The following IFI27L1 variants were observed in gnomAD, a reference collection of about 807,000 sequenced individuals.
The protein encoded by IFI27L1 is interferon alpha inducible protein 27 like 1, also known as interferon alpha-inducible protein 27-like protein 1.
Under a neutral mutation model 9.2 loss-of-function variants are expected in IFI27L1, and 3 were observed. The observed-to-expected ratio is 0.32, with a 90% CI of 0.15 to 0.84. IFI27L1 has a LOEUF of 0.84. IFI27L1 is among the 40% of genes least tolerant of loss of function. The pLI is 0.56. For missense variants in IFI27L1, 133 were observed against 134.2 expected (o/e 0.99, Z 0.05); for synonymous variants, 53 against 50.0 (o/e 1.06, Z -0.26).
intron 1 of IFI27L1, among the ~76,000 whole-genome samples, chr14:94,086,349 C>G (rs181295804): frequency 1.1e-4 from 17 of 152,270 alleles, no homozygotes; most frequent in African/African-American, 4.1e-4. Flanking sequence ...AGTTAAACCT[C>G]TTTTTTAGAT....
intron 1 of IFI27L1, among the ~76,000 whole-genome samples, chr14:94,084,535 C>A (rs1394048869): frequency 6.6e-6 from 1 of 152,136 alleles, no homozygotes; most frequent in South Asian, 2.1e-4. Context: ...GGTGCACAAA[C>A]CCAGTCAGAT....
chr14:94,087,618 G>T (rs933593155), intron 1 of IFI27L1, among the ~76,000 whole-genome samples: 1 of 152,062 alleles, frequency 6.6e-6, no homozygotes, highest in African/African-American at 2.4e-5. Context: ...AGTAGAGATG[G>T]TGTTTCACCG....
intron 1 of IFI27L1, among the ~76,000 whole-genome samples, chr14:94,088,521 A>G (rs1886360936): frequency 7.2e-6 from 1 of 139,018 alleles, no homozygotes; most frequent in South Asian, 2.3e-4. Context: ...TTTTTTGGAG[A>G]CAGAGTCTTG....
At chr14:94,097,772 A>G (rs1886727416) in intron 2 of IFI27L1, 1 of 691,014 alleles carries the variant, frequency 1.4e-6, no homozygotes, top group Admixed American at 2.0e-5. Context: ...CTACTGAGAG[A>G]ACGGGGCTGC....
intron 2 of IFI27L1, among the ~76,000 whole-genome samples, chr14:94,098,563 C>G (rs957202308): frequency 6.6e-6 from 1 of 152,088 alleles, no homozygotes; most frequent in Non-Finnish European, 1.5e-5. Flanking sequence ...TCGGGTGATG[C>G]AATTCAACCC....
At chr14:94,083,313 A>G (rs1009831764) in intron 1 of IFI27L1, among the ~76,000 whole-genome samples, 1 of 152,272 alleles carries the variant, frequency 6.6e-6, no homozygotes, top group African/African-American at 2.4e-5. Context: ...TTCTTGAGAT[A>G]CAATCTACTC....
chr14:94,100,530 G>A (rs1886853848), intron 2 of IFI27L1: 14 of 985,420 alleles, frequency 1.4e-5, no homozygotes, highest in Non-Finnish European at 1.7e-5. Flanking sequence ...CTGATGCGGG[G>A]ACCTGGGGAG....
At chr14:94,089,798 T>C (rs952688264) in intron 1 of IFI27L1, among the ~76,000 whole-genome samples, 1 of 152,174 alleles carries the variant, frequency 6.6e-6, no homozygotes, top group African/African-American at 2.4e-5. Flanking sequence ...AGATCCATCT[T>C]CTGTAATTTC....
chr14:94,096,998 G>T (rs770043415), intron 2 of IFI27L1, 33 bp downstream of exon 2: 2 of 1,586,916 alleles, frequency 1.3e-6, no homozygotes, highest in South Asian at 2.3e-5. Context: ...GGGGCTGCTG[G>T]TCCTTCCGAG....
Position 94,090,341 on chromosome 14 carries a change from T to C in IFI27L1, c.-51-6546T>C, listed in dbSNP as rs184960863. ...CTGGTGTACCACAGTTTTTGAAACC[T>C]AATTTTTCTCTCTCCAGTCCTCATT... On this transcript the variant is annotated intron_variant, in intron 1 of 4. Coordinates refer to ENST00000555523, the MANE Select transcript of IFI27L1 (RefSeq NM_206949.3). Among the ~76,000 whole-genome samples, 485 of 152,342 alleles carry C rather than the reference T, an allele frequency of 3.2e-3. 6 individuals are homozygous for C. The highest frequency in any genetic ancestry group is 0.029 in the South Asian group (139 of 4,826).
chr14:94,097,905 G>A (rs1417525673), intron 2 of IFI27L1, among the ~76,000 whole-genome samples: 1 of 152,160 alleles, frequency 6.6e-6, no homozygotes, highest in Non-Finnish European at 1.5e-5. Flanking sequence ...AGTAGGTCTA[G>A]GCTGAGCACA....
intron 3 of IFI27L1, 76 bp from the exon 4 acceptor site, chr14:94,101,738 T>C: frequency 6.7e-7 from 1 of 1,483,106 alleles, no homozygotes; most frequent in African/African-American, 1.4e-5. Context: ...CTCCTCCTCA[T>C]CGCCCCAGGA....
chr14:94,092,536 A>C (rs867484808), intron 1 of IFI27L1, among the ~76,000 whole-genome samples: 18 of 152,286 alleles, frequency 1.2e-4, no homozygotes, highest in African/African-American at 4.1e-4. Flanking sequence ...CAAAACAAAA[A>C]AAACTTTACA....
intron 1 of IFI27L1, among the ~76,000 whole-genome samples, chr14:94,093,170 T>TC (rs1436098541): frequency 6.8e-6 from 1 of 147,410 alleles, no homozygotes; most frequent in Non-Finnish European, 1.5e-5. Context: ...TTCTTTTCTT[T>TC]TTTTTTTTTT....
chr14:94,093,797 C>T (rs17129464), intron 1 of IFI27L1, among the ~76,000 whole-genome samples: 46,268 of 151,962 alleles, frequency 0.3, 7,524 homozygotes, highest in East Asian at 0.52. Context: ...CCTACTGGAA[C>T]AAATTTCATG....
At position 94,101,810 on chromosome 14, in the gene IFI27L1, G is replaced by A. The variant is rs201917237; in HGVS notation, c.62-4G>A. ...GGCCAACCCCAAATCTCCACTTCCC[G>A]CAGTTGTGGCTGTGGGGACTGTGCT... On this transcript the variant is annotated splice_region_variant and splice_polypyrimidine_tract_variant and intron_variant, in intron 3 of 4. Coordinates refer to ENST00000555523, the MANE Select transcript of IFI27L1 (RefSeq NM_206949.3). The A allele has an allele frequency of 5.6e-5, 91 of 1,614,050 alleles. No homozygotes were observed. In the Middle Eastern group the frequency reaches 1.2e-3, roughly 20 times the overall value.
intron 2 of IFI27L1, among the ~76,000 whole-genome samples, chr14:94,098,999 AG>A (rs1886785844): frequency 1.3e-5 from 2 of 152,206 alleles, no homozygotes; most frequent in Non-Finnish European, 2.9e-5. Context: ...TACCACAAGG[AG>A]CTTTGCTCTA....
At chr14:94,082,513 TAG>T (rs1228681728) in intron 1 of IFI27L1, among the ~76,000 whole-genome samples, 2 of 152,250 alleles carry the variant, frequency 1.3e-5, no homozygotes, top group African/African-American at 4.8e-5. Context: ...CTTTCATAGC[TAG>T]AGAGGTCAAT....
At chr14:94,086,031 A>G (rs1886267389) in intron 1 of IFI27L1, among the ~76,000 whole-genome samples, 2 of 152,174 alleles carry the variant, frequency 1.3e-5, no homozygotes, top group African/African-American at 4.8e-5. Context: ...CTCATAGTTG[A>G]ATTGTAATCC....
Sources: gnomAD v4.1 joint callset for allele counts (sites outside exome capture counted in the v4.1 genomes callset) on GRCh38, gnomAD v4.1.1 for gene constraint, MANE v1.5 for transcripts, NCBI Gene and HGNC (gene_info 2026-07-23, HGNC 2026-07-21) for gene names.